Variants in TMPRSS11A observed in about 807,000 individuals in gnomAD.
The protein encoded by TMPRSS11A is transmembrane protease serine 11A.
Under a neutral mutation model 58.9 loss-of-function variants are expected in TMPRSS11A, and 53 were observed. That is an observed-to-expected ratio of 0.90 (90% CI 0.72 to 1.13). TMPRSS11A has a LOEUF of 1.13. Among genes scored for constraint, TMPRSS11A ranks in the 50% most tolerant of loss-of-function variants. The probability of loss-of-function intolerance (pLI) is 0.00; values close to 1 mark genes in which losing one functional copy is unlikely to be tolerated. For synonymous variants in TMPRSS11A, 167 were observed against 169.8 expected (o/e 0.98, Z 0.13); for missense variants, 493 against 499.3 (o/e 0.99, Z 0.12).
chr4:67,949,466 G>A (rs1385002797), intron 1 of TMPRSS11A, among the ~76,000 whole-genome samples: 3 of 152,196 alleles, frequency 2.0e-5, no homozygotes, highest in Non-Finnish European at 4.4e-5. Flanking sequence ...AAAAGCTACA[G>A]AAGCCATAGG....
At position 67,961,482 on chromosome 4, in the gene TMPRSS11A, CCTTTTTTTTTTTTTTTTTTTTTTTTTTTT is replaced by C. The variant is rs1721420870; in HGVS notation, c.11+1872_11+1900del. 8.8e-5 allele frequency among the ~76,000 whole-genome samples: 9 copies of C among 102,422 alleles called. 1 individual carries two copies. Among genetic ancestry groups the C allele is most frequent in the African/African-American group, 1.9e-4 (4 of 20,976 alleles). 67.2% of individuals were successfully genotyped at this position (102,422 alleles called of 152,430 possible). A position where few individuals can be genotyped will look rare whatever the true frequency, so the allele number is the denominator to read the frequency against. On this transcript the variant is annotated intron_variant, in intron 1 of 9. Coordinates refer to ENST00000508048, the MANE Select transcript of TMPRSS11A (RefSeq NM_001114387.2). ...CTTTTCTTTCCTTTCCTTTTCTTTT[CCTTTTTTTTTTTTTTTTTTTTTTTTTTTT>C]TTTTTTTTTTTTTTTTTTGAGACAG...
chr4:67,948,181 C>T (rs980239533), intron 1 of TMPRSS11A, among the ~76,000 whole-genome samples: 3 of 133,772 alleles, frequency 2.2e-5, no homozygotes, highest in African/African-American at 3.1e-5. Context: ...GACGGAGTCT[C>T]ACTGTGTCAT....
chr4:67,914,753 C>A (rs1577849940), intron 8 of TMPRSS11A, 23 bp from the exon 9 acceptor site: 2 of 1,601,202 alleles, frequency 1.2e-6, no homozygotes, highest in East Asian at 2.2e-5. Flanking sequence ...TAGAGTTATT[C>A]TAGTATTTAC....
At chr4:67,953,809 A>G (rs529732954) in intron 1 of TMPRSS11A, among the ~76,000 whole-genome samples, 67 of 150,682 alleles carry the variant, frequency 4.4e-4, no homozygotes, top group African/African-American at 1.6e-3. Context: ...AAAAAAAAAT[A>G]GTATTTCTTG....
intron 3 of TMPRSS11A, among the ~76,000 whole-genome samples, chr4:67,939,129 C>A (rs1042389743): frequency 2.6e-5 from 4 of 150,948 alleles, no homozygotes; most frequent in African/African-American, 9.8e-5. Flanking sequence ...GATCTTTTAC[C>A]TCCTTGGTTA....
At chr4:67,936,618 G>A (rs1175661209) in intron 3 of TMPRSS11A, among the ~76,000 whole-genome samples, 2 of 152,118 alleles carry the variant, frequency 1.3e-5, no homozygotes, top group Non-Finnish European at 2.9e-5. Flanking sequence ...GATATTTTGT[G>A]ATGCCATCAG....
intron 8 of TMPRSS11A, among the ~76,000 whole-genome samples, chr4:67,916,425 T>G (rs1228195357): frequency 6.6e-6 from 1 of 152,104 alleles, no homozygotes; most frequent in African/African-American, 2.4e-5. Context: ...GCTAAGAGAT[T>G]TTTCAAATTA....
chr4:67,930,977 TG>T (rs1388643703), intron 4 of TMPRSS11A, among the ~76,000 whole-genome samples: 1 of 152,032 alleles, frequency 6.6e-6, no homozygotes, highest in African/African-American at 2.4e-5. Context: ...TATGTCAAAT[TG>T]GCAAACAGAT....
At position 67,919,046 on chromosome 4, in the gene TMPRSS11A, C is replaced by T. The variant is rs762173926; in HGVS notation, c.879G>A (p.Leu293=). The change falls in exon 8 of 10, where the codon TTG becomes TTA. Residue 293 remains leucine (L), a synonymous_variant. Transcript: ENST00000508048. ...GTTGGAAGGATGCAGAGGCTTCTGG[C>T]AAACAAATCTGGCGTATGTCATCCG... ...TFSDDIRQIC[L]PEASASFQPN... The T allele has an allele frequency of 1.2e-5, 19 of 1,614,022 alleles. No individual in the cohort carries two copies. In the South Asian group the frequency reaches 1.3e-4, roughly 11 times the overall value.
At chr4:67,918,302 T>G (rs1483590151) in intron 8 of TMPRSS11A, among the ~76,000 whole-genome samples, 1 of 152,206 alleles carries the variant, frequency 6.6e-6, no homozygotes, top group African/African-American at 2.4e-5. Context: ...AACTAAATCA[T>G]CATTATTTCT....
At chr4:67,930,808 CTTTTTT>C (rs67302217) in intron 4 of TMPRSS11A, among the ~76,000 whole-genome samples, 1 of 51,162 alleles carries the variant, frequency 2.0e-5, no homozygotes, top group Non-Finnish European at 3.2e-5. Context: ...GTTATCTCTC[CTTTTTT>C]TTTTTTTTTT....
At chr4:67,919,693 G>T (rs189726874) in intron 7 of TMPRSS11A, among the ~76,000 whole-genome samples, 1 of 152,136 alleles carries the variant, frequency 6.6e-6, no homozygotes, top group Admixed American at 6.5e-5. Flanking sequence ...ATAGGGTAAC[G>T]GAATAGAGTA....
chr4:67,922,366 T>G (rs1720354332), intron 7 of TMPRSS11A, among the ~76,000 whole-genome samples: 1 of 152,222 alleles, frequency 6.6e-6, no homozygotes, highest in African/African-American at 2.4e-5. Context: ...GTTTGATTAT[T>G]TAAGATCAGT....
chr4:67,913,867 T>G (rs1407300354), intron 9 of TMPRSS11A, among the ~76,000 whole-genome samples: 1 of 152,214 alleles, frequency 6.6e-6, no homozygotes, highest in Non-Finnish European at 1.5e-5. Context: ...AGTGGCCTCC[T>G]TAGAGTTCTA....
At chr4:67,921,902 A>G (rs1319118015) in intron 7 of TMPRSS11A, among the ~76,000 whole-genome samples, 3 of 152,228 alleles carry the variant, frequency 2.0e-5, no homozygotes, top group African/African-American at 7.2e-5. Context: ...GAAAGGCGAT[A>G]CAGTTAATCT....
intron 3 of TMPRSS11A, among the ~76,000 whole-genome samples, chr4:67,942,289 G>A (rs184658703): frequency 0.012 from 1,784 of 152,292 alleles, 31 homozygotes; most frequent in African/African-American, 0.04. Context: ...CTCCCAAACC[G>A]ATGATAGAGG....
intron 5 of TMPRSS11A, among the ~76,000 whole-genome samples, chr4:67,929,115 T>A (rs916622154): frequency 6.6e-6 from 1 of 152,222 alleles, no homozygotes; most frequent in Non-Finnish European, 1.5e-5. Flanking sequence ...TAAATTTGAT[T>A]CTTAGCTCCT....
chr4:67,947,596 G>T (rs1457522979), intron 1 of TMPRSS11A, among the ~76,000 whole-genome samples: 1 of 151,998 alleles, frequency 6.6e-6, no homozygotes, highest in Non-Finnish European at 1.5e-5. Flanking sequence ...AATTCATTTG[G>T]CAAGAATACT....
intron 7 of TMPRSS11A, among the ~76,000 whole-genome samples, chr4:67,921,112 T>C (rs1299277181): frequency 6.6e-6 from 1 of 152,190 alleles, no homozygotes; most frequent in Non-Finnish European, 1.5e-5. Context: ...CAAATATTGA[T>C]GGTAGAAGTT....
Sources: allele counts gnomAD v4.1 joint callset (sites outside exome capture counted in the v4.1 genomes callset), GRCh38; gene constraint gnomAD v4.1.1; transcripts MANE v1.5; gene names NCBI Gene and HGNC (gene_info 2026-07-23, HGNC 2026-07-21).